SUMF1: variants seen among roughly 807,000 people sequenced by gnomAD.
The protein encoded by SUMF1 is sulfatase modifying factor 1.
In SUMF1, 48 loss-of-function variants were observed where a neutral mutation model predicts 47.6. That is an observed-to-expected ratio of 1.01 (90% CI 0.80 to 1.28). The LOEUF (loss-of-function observed/expected upper bound fraction) is 1.28, where lower values mean the gene tolerates loss of function less well. Among genes scored for constraint, SUMF1 ranks in the 50% most tolerant of loss-of-function variants. SUMF1 has a pLI of 0.00. For synonymous variants in SUMF1, 230 were observed against 192.1 expected, an observed-to-expected ratio of 1.20 and a Z score of -1.63; for missense variants, 571 against 485.4, an observed-to-expected ratio of 1.18 and a Z score of -1.66.
intron 8 of SUMF1, among the ~76,000 whole-genome samples, chr3:4,096,812 GT>G (rs1692915738): frequency 6.6e-6 from 1 of 152,088 alleles, no homozygotes; most frequent in South Asian, 2.1e-4. Context: ...CGGAACCAGG[GT>G]GAGCTACTAT....
chr3:4,258,351 A>T (rs879741529), intron 8 of SUMF1, among the ~76,000 whole-genome samples: 1 of 144,238 alleles, frequency 6.9e-6, no homozygotes, highest in Non-Finnish European at 1.5e-5. Context: ...GAAAATTTTC[A>T]CAACCTACTC....
At chr3:4,441,509 A>G (rs1702586612) in intron 3 of SUMF1, among the ~76,000 whole-genome samples, 1 of 152,356 alleles carries the variant, frequency 6.6e-6, no homozygotes, top group African/African-American at 2.4e-5. Context: ...TGTCTTCCAC[A>G]AAACCAGTCC....
chr3:4,362,319 A>C lies in SUMF1; in HGVS notation c.1015-65T>G, dbSNP rs541422087. The stretch of plus-strand genomic sequence containing the variant: ...TCTCAGCTGAAGGCTCTAACCCATC[A>C]GATGCATATTGCACCGGCTGTAGAC... On this transcript the variant is annotated intron_variant, in intron 8 of 8. Transcript: ENST00000272902. 2.3e-5 allele frequency: 30 copies of C among 1,332,452 alleles called. No individual in the cohort carries two copies. The African/African-American group carries it at 4.0e-4, about 18-fold the overall frequency. The allele number at this position is 1,332,452 out of a possible 1,614,324, so 82.5% of individuals were successfully genotyped here. A position where few individuals can be genotyped will look rare whatever the true frequency, so the allele number is the denominator to read the frequency against.
rs189957043 is a variant in SUMF1, at chr3:4,440,526, C to A, written c.519+8740G>T. ...AGTTCTCTTTCTAGTTTAGAGTTGT[C>A]GTGCAGTTGTGATTAAATAACAGCG... On this transcript the variant is annotated intron_variant, in intron 3 of 8. Coordinates refer to ENST00000272902, the MANE Select transcript of SUMF1 (RefSeq NM_182760.4). Among the ~76,000 whole-genome samples the A allele has an allele frequency of 5.9e-5, 9 of 152,278 alleles. No homozygotes were observed. The East Asian group carries it at 1.7e-3, about 29-fold the overall frequency.
intron 8 of SUMF1, among the ~76,000 whole-genome samples, chr3:4,273,129 T>C (rs1421767038): frequency 6.7e-6 from 1 of 149,528 alleles, no homozygotes; most frequent in Non-Finnish European, 1.5e-5. Flanking sequence ...CACACACATA[T>C]ATATATATAT....
intron 7 of SUMF1, among the ~76,000 whole-genome samples, chr3:4,392,782 C>G (rs1172222004): frequency 1.3e-5 from 2 of 151,822 alleles, no homozygotes; most frequent in Non-Finnish European, 2.9e-5. Context: ...TGAATATAAA[C>G]TGTAGAATCT....
At chr3:4,327,946 C>A (rs1698977939) in intron 8 of SUMF1, among the ~76,000 whole-genome samples, 1 of 152,206 alleles carries the variant, frequency 6.6e-6, no homozygotes, top group African/African-American at 2.4e-5. Context: ...CTGCACTCAG[C>A]AGCTCACACT....
At chr3:4,397,502 T>C (rs1317265782) in intron 7 of SUMF1, among the ~76,000 whole-genome samples, 1 of 152,242 alleles carries the variant, frequency 6.6e-6, no homozygotes, top group Non-Finnish European at 1.5e-5. Context: ...TCAGTGACAA[T>C]TCATTAGCAA....
chr3:4,348,736 G>A (rs1448336827), intron 8 of SUMF1, among the ~76,000 whole-genome samples: 4 of 151,938 alleles, frequency 2.6e-5, no homozygotes, highest in Admixed American at 2.6e-4. Context: ...TTAGCCAGGT[G>A]TGGTGGCACA....
intron 8 of SUMF1, among the ~76,000 whole-genome samples, chr3:4,137,386 A>G (rs1417320582): frequency 7.2e-6 from 1 of 139,148 alleles, no homozygotes; most frequent in African/African-American, 2.7e-5. Flanking sequence ...AAAACCAAAC[A>G]CCGCATGTTC....
At position 4,420,258 on chromosome 3, in the gene SUMF1, C is replaced by G. The variant is rs1701848520; in HGVS notation, c.520-112G>C. The G allele has an allele frequency of 6.3e-6, 5 of 791,870 alleles. No individual in the cohort carries two copies. The East Asian group carries it at 1.3e-4, about 20-fold the overall frequency. The allele number at this position is 791,870 out of a possible 1,614,324, so 49.1% of individuals were successfully genotyped here. ...ATGTCTTCAACTTCCATTTGGATTA[C>G]CAAACAAATACATTTGCCAGAATAC... On this transcript the variant is annotated intron_variant, in intron 3 of 8. Transcript: ENST00000272902.
At chr3:4,172,383 G>A (rs1397515958) in intron 8 of SUMF1, among the ~76,000 whole-genome samples, 2 of 152,058 alleles carry the variant, frequency 1.3e-5, no homozygotes, top group Non-Finnish European at 2.9e-5. Context: ...ATTTACACAT[G>A]TGCTTTCCAG....
At chr3:4,130,283 G>T (rs1693756705) in intron 8 of SUMF1, among the ~76,000 whole-genome samples, 1 of 152,148 alleles carries the variant, frequency 6.6e-6, no homozygotes, top group Non-Finnish European at 1.5e-5. Context: ...CTGGTACCTG[G>T]TATGCAGCCA....
chr3:4,239,480 G>A (rs538830177), intron 8 of SUMF1, among the ~76,000 whole-genome samples: 1 of 152,184 alleles, frequency 6.6e-6, no homozygotes, highest in African/African-American at 2.4e-5. Flanking sequence ...TCCTCGAGGA[G>A]GTCCTTCACA....
At chr3:4,253,679 T>G (rs925908574) in intron 8 of SUMF1, among the ~76,000 whole-genome samples, 7 of 151,080 alleles carry the variant, frequency 4.6e-5, no homozygotes, top group Non-Finnish European at 8.9e-5. Context: ...GCAGCGAGGC[T>G]GGGGGAGGGG....
At chr3:4,136,694 A>G (rs2125092348) in intron 8 of SUMF1, among the ~76,000 whole-genome samples, 1 of 148,226 alleles carries the variant, frequency 6.7e-6, no homozygotes, top group South Asian at 2.2e-4. Context: ...AACCTACAAC[A>G]TGGGAGAAAA....
intron 8 of SUMF1, among the ~76,000 whole-genome samples, chr3:4,078,663 C>A (rs914595705): frequency 4.0e-5 from 6 of 151,820 alleles, no homozygotes. Flanking sequence ...GAGGCCACAG[C>A]AGGAGAATCA....
intron 8 of SUMF1, among the ~76,000 whole-genome samples, chr3:4,374,175 G>T (rs1452097282): frequency 1.3e-5 from 2 of 152,214 alleles, no homozygotes; most frequent in East Asian, 3.9e-4. Flanking sequence ...TATACTGAAG[G>T]TTCTAGCCAA....
intron 3 of SUMF1, among the ~76,000 whole-genome samples, chr3:4,441,925 C>A (rs113339455): frequency 2.0e-5 from 3 of 152,164 alleles, no homozygotes; most frequent in South Asian, 4.1e-4. Flanking sequence ...AACCCAGGAA[C>A]AATGTGCACA....
Sources: gnomAD v4.1 joint callset for allele counts (sites outside exome capture counted in the v4.1 genomes callset) on GRCh38, gnomAD v4.1.1 for gene constraint, MANE v1.5 for transcripts, NCBI Gene and HGNC (gene_info 2026-07-23, HGNC 2026-07-21) for gene names.